Variants in BMPR2 observed in about 807,000 individuals in gnomAD.
BMPR2 encodes bone morphogenetic protein receptor type 2, also known as bone morphogenetic protein receptor type-2.
BMPR2 carries 29 observed loss-of-function variants against 100.8 expected under a neutral mutation model. The observed-to-expected ratio is 0.29, with a 90% CI of 0.21 to 0.39. The LOEUF (loss-of-function observed/expected upper bound fraction) is 0.39. Ranked by LOEUF, BMPR2 falls within the 10% of genes least tolerant of loss-of-function variation. The pLI, the probability that BMPR2 is intolerant of heterozygous loss-of-function variation, is 1.00. For missense variants in BMPR2, 1,011 were observed against 1,274.5 expected, an observed-to-expected ratio of 0.79 and a Z score of 3.15; for synonymous variants, 382 against 442.3, an observed-to-expected ratio of 0.86 and a Z score of 1.71.
rs1266981581 is a variant in BMPR2, at chr2:202,379,889, ACT to A, written c.76+2342_76+2343del. ...TTCTTTTTTGTTCAGACAGAGTATC[ACT>A]CTGTCGCCCAGGCTGGAGTGCAGTG... On this transcript the variant is annotated intron_variant, in intron 1 of 12. Coordinates refer to ENST00000374580, the MANE Select transcript of BMPR2 (RefSeq NM_001204.7). 4.0e-5 allele frequency among the ~76,000 whole-genome samples: 6 copies of A among 148,868 alleles called. No individual in the cohort carries two copies. The East Asian group carries it at 1.2e-3, about 29-fold the overall frequency.
chr2:202,390,333 GTTT>G (rs374406877), intron 1 of BMPR2, among the ~76,000 whole-genome samples: 5 of 132,524 alleles, frequency 3.8e-5, no homozygotes, highest in Admixed American at 1.5e-4. Flanking sequence ...TTTCTTTCGT[GTTT>G]TTTTTTTTTT....
chr2:202,423,311 C>G (rs1691308201), intron 1 of BMPR2, among the ~76,000 whole-genome samples: 1 of 152,190 alleles, frequency 6.6e-6, no homozygotes, highest in Non-Finnish European at 1.5e-5. Context: ...GGCAGTTTTT[C>G]CCATGATTTC....
intron 6 of BMPR2, 91 bp downstream of exon 6, chr2:202,519,143 C>T (rs1196397414): frequency 2.3e-6 from 3 of 1,331,776 alleles, no homozygotes; most frequent in Non-Finnish European, 2.2e-6. Context: ...AGGTGGATCA[C>T]TTGAGGCCAA....
rs1340214774 is a variant in BMPR2, at chr2:202,503,631, C to A, written c.419-10088C>A. Among the ~76,000 whole-genome samples the A allele has an allele frequency of 6.6e-6, 1 of 152,222 alleles. No homozygotes were observed. The highest frequency in any genetic ancestry group is 2.1e-4 in the South Asian group (1 of 4,836). On this transcript the variant is annotated intron_variant, in intron 3 of 12. Transcript: ENST00000374580. The surrounding 1 kb of genome is among the most constrained non-coding windows in gnomAD (Gnocchi z 4.0). ...ACAGGGCAGGGCTCGGGACCTGCAG[C>A]CCGCCATGCCTGAGCCTCCCACCCC...
intron 10 of BMPR2, among the ~76,000 whole-genome samples, chr2:202,545,369 T>A (rs1437287295): frequency 6.6e-6 from 1 of 152,016 alleles, no homozygotes; most frequent in Non-Finnish European, 1.5e-5. Flanking sequence ...TTCCAGAAAC[T>A]CGTTTGCCTT....
chr2:202,545,934 C>A (rs982818143), intron 10 of BMPR2, among the ~76,000 whole-genome samples: 1 of 152,160 alleles, frequency 6.6e-6, no homozygotes, highest in African/African-American at 2.4e-5. Flanking sequence ...AAAGAAAAAT[C>A]TGTGAAATTT....
intron 1 of BMPR2, among the ~76,000 whole-genome samples, chr2:202,385,324 TG>T (rs1222949399): frequency 2.0e-5 from 3 of 151,524 alleles, no homozygotes; most frequent in Non-Finnish European, 4.4e-5. Flanking sequence ...TAACACTTTT[TG>T]TTTTGGTATG....
At chr2:202,385,464 C>G (rs1331572271) in intron 1 of BMPR2, among the ~76,000 whole-genome samples, 1 of 141,768 alleles carries the variant, frequency 7.1e-6, no homozygotes, top group Non-Finnish European at 1.5e-5. Flanking sequence ...CTCCTGGGTT[C>G]AAGCGATTCT....
intron 3 of BMPR2, among the ~76,000 whole-genome samples, chr2:202,509,439 T>C (rs1400914253): frequency 6.6e-6 from 1 of 151,866 alleles, no homozygotes; most frequent in Non-Finnish European, 1.5e-5. Flanking sequence ...TTCCAACAAC[T>C]AAGACTAGGA....
intron 1 of BMPR2, among the ~76,000 whole-genome samples, chr2:202,432,243 T>A (rs1691520903): frequency 6.6e-6 from 1 of 150,870 alleles, no homozygotes; most frequent in South Asian, 2.1e-4. Flanking sequence ...ATGTTAATTT[T>A]CAGATCACAA....
chr2:202,490,938 T>A (rs1007632199), intron 3 of BMPR2, among the ~76,000 whole-genome samples: 1 of 152,142 alleles, frequency 6.6e-6, no homozygotes, highest in Non-Finnish European at 1.5e-5. Context: ...TTGTTTTTTG[T>A]TTTTTGTTTT....
chr2:202,384,986 A>G (rs1690397322), intron 1 of BMPR2, among the ~76,000 whole-genome samples: 1 of 152,154 alleles, frequency 6.6e-6, no homozygotes, highest in South Asian at 2.1e-4. Flanking sequence ...AATGTACATG[A>G]TCATGTACTT....
In BMPR2 at chr2:202,556,255, C is replaced by A; in HGVS notation, c.2590C>A (p.Pro864Thr). The change falls in exon 12 of 13, where the codon CCT becomes ACT. Residue 864 changes from proline (P) to threonine (T), a missense_variant. Transcript: ENST00000374580. ...EDTRLNINSS[P>T]DEHEPLLRRE... ...CACCCGGCTGAATATTAATTCCAGT[C>A]CTGATGAGCATGAGCCTTTACTGAG... 1.9e-6 allele frequency: 3 copies of A among 1,614,148 alleles called. No homozygotes were observed. In the South Asian group the frequency reaches 3.3e-5, roughly 18 times the overall value.
intron 1 of BMPR2, among the ~76,000 whole-genome samples, chr2:202,419,997 T>A (rs1691226214): frequency 6.6e-6 from 1 of 152,006 alleles, no homozygotes; most frequent in Non-Finnish European, 1.5e-5. Flanking sequence ...TTACATATTT[T>A]AAAAATTATA....
At chr2:202,494,981 C>T (rs765855574) in intron 3 of BMPR2, among the ~76,000 whole-genome samples, 9 of 152,152 alleles carry the variant, frequency 5.9e-5, no homozygotes, top group South Asian at 2.1e-4. Flanking sequence ...TTAAGTGCCC[C>T]GCTGCTCAGA....
chr2:202,564,256 A>G lies in BMPR2; in HGVS notation c.*4310A>G, dbSNP rs974325030. ...TCATTAACTCCTAGAATTTGAGATT[A>G]TATTTCCATACAACATTTTATAAAG... On this transcript the variant is annotated 3_prime_UTR_variant, in exon 13 of 13. Coordinates refer to ENST00000374580, the MANE Select transcript of BMPR2 (RefSeq NM_001204.7). 48 of 152,216 alleles carry G rather than the reference A, an allele frequency of 3.2e-4. No homozygotes were observed. The highest frequency in any genetic ancestry group is 1.1e-3 in the African/African-American group (47 of 41,464). The allele number at this position is 152,216 out of a possible 1,614,324, so 9.4% of individuals were successfully genotyped here. A position where few individuals can be genotyped will look rare whatever the true frequency, so the allele number is the denominator to read the frequency against.
At chr2:202,533,317 C>T (rs1014965878) in intron 9 of BMPR2, among the ~76,000 whole-genome samples, 5 of 151,888 alleles carry the variant, frequency 3.3e-5, no homozygotes, top group Admixed American at 6.6e-5. Flanking sequence ...TTTGTGAGGC[C>T]GAGGCTTGCG....
In BMPR2 at chr2:202,495,173, G is replaced by A. The variant is rs6751205; in HGVS notation, c.419-18546G>A. On this transcript the variant is annotated intron_variant, in intron 3 of 12. Coordinates refer to ENST00000374580, the MANE Select transcript of BMPR2 (RefSeq NM_001204.7). This position sits in a 1 kb window ranked among gnomAD's most constrained non-coding sequence, Gnocchi z 4.5. ...GACCCCCTTCCTTATCACAAGGACA[G>A]AGGGATTTCTGTATCCCAGGGTTTC... Among the ~76,000 whole-genome samples the A allele has an allele frequency of 0.046, 7,032 of 152,306 alleles. 536 individuals are homozygous for A. Among genetic ancestry groups the A allele is most frequent in the African/African-American group, 0.16 (6,657 of 41,530 alleles).
chr2:202,514,213 G>A (rs534472716), intron 4 of BMPR2, among the ~76,000 whole-genome samples: 1 of 152,224 alleles, frequency 6.6e-6, no homozygotes, highest in East Asian at 1.9e-4. Context: ...TCGGCTCACT[G>A]CAGGCTCCGC....
Sources: allele counts gnomAD v4.1 joint callset (sites outside exome capture counted in the v4.1 genomes callset), GRCh38; gene constraint gnomAD v4.1.1; non-coding constraint Gnocchi (gnomAD v3.1); transcripts MANE v1.5; gene names NCBI Gene and HGNC (gene_info 2026-07-23, HGNC 2026-07-21).